The following DGKB variants were observed in gnomAD, a reference collection of about 807,000 sequenced individuals.
DGKB encodes 90 kDa diacylglycerol kinase.
A neutral mutation model predicts 114.3 loss-of-function variants in DGKB; 67 were observed. The observed-to-expected ratio is 0.59, with a 90% CI of 0.48 to 0.72. The LOEUF (loss-of-function observed/expected upper bound fraction) is 0.72, where lower values mean the gene tolerates loss of function less well. Ranked by LOEUF, DGKB falls within the 30% of genes least tolerant of loss-of-function variation. The pLI, the probability that DGKB is intolerant of heterozygous loss-of-function variation, is 0.00. For missense variants in DGKB, 907 were observed against 975.2 expected, an observed-to-expected ratio of 0.93 and a Z score of 0.93; for synonymous variants, 398 against 323.1, an observed-to-expected ratio of 1.23 and a Z score of -2.49.
intron 23 of DGKB, among the ~76,000 whole-genome samples, chr7:14,321,154 G>C (rs888956672): frequency 1.3e-5 from 2 of 152,064 alleles, no homozygotes; most frequent in African/African-American, 2.4e-5. Flanking sequence ...AGCCAGACAT[G>C]ATGGCACATG....
rs556369813 is a variant in DGKB, at chr7:14,948,537, T to C, written c.-188+26159A>G. Among the ~76,000 whole-genome samples, 46 of 151,942 alleles carry C rather than the reference T, an allele frequency of 3.0e-4. No homozygotes were observed. In the South Asian group the frequency reaches 4.6e-3, roughly 15 times the overall value. ...AATCAGAGATCTGTATACTAAAAAA[T>C]AGATCTTCCAGGAATGTGAAGAAGT... is the stretch of plus-strand genomic sequence containing the variant. On this transcript the variant is annotated intron_variant, in intron 1 of 4. Coordinates refer to the DGKB transcript ENST00000437998.
rs114579101 is a variant in DGKB at position 14,534,485 on chromosome 7, C to T, written c.1770+39727G>A. ...TCACTTTAAATGTAAATGAATTAAA[C>T]GGTTTAATCAAAAGACATAGAGTAG... On this transcript the variant is annotated intron_variant, in intron 20 of 25. Transcript: ENST00000402815. Among the ~76,000 whole-genome samples the T allele has an allele frequency of 2.1e-3, 325 of 152,012 alleles. 3 individuals are homozygous for T. The highest frequency in any genetic ancestry group is 0.017 in the Middle Eastern group (5 of 294).
intron 21 of DGKB, among the ~76,000 whole-genome samples, chr7:14,415,862 G>A (rs1825649521): frequency 6.6e-6 from 1 of 152,204 alleles, no homozygotes; most frequent in African/African-American, 2.4e-5. Context: ...TTCCACAATG[G>A]TTGAACTAGT....
intron 17 of DGKB, among the ~76,000 whole-genome samples, chr7:14,585,932 A>C (rs1358125291): frequency 1.3e-5 from 2 of 152,234 alleles, no homozygotes; most frequent in East Asian, 3.9e-4. Context: ...TGCTCCACCC[A>C]CCAGCGGTTC....
Position 14,463,598 on chromosome 7 carries a change from G to A in DGKB, c.1835+14563C>T, listed in dbSNP as rs532415685. ...CCCACTAAGCTATAAACTCTAAGTG[G>A]TTGGAATGGTGTTAAACTCATCTTC... On this transcript the variant is annotated intron_variant, in intron 21 of 25. Transcript: ENST00000402815. 7.2e-5 allele frequency among the ~76,000 whole-genome samples: 11 copies of A among 152,090 alleles called. 1 individual carries two copies. The highest frequency in any genetic ancestry group is 2.0e-4 in the Admixed American group (3 of 15,262).
Position 14,678,807 on chromosome 7 carries a change from C to CA in DGKB, c.1035+3745dup, listed in dbSNP as rs1820327758. On this transcript the variant is annotated intron_variant, in intron 12 of 25. Coordinates refer to ENST00000402815, the MANE Select transcript of DGKB (RefSeq NM_001350709.2). The stretch of plus-strand genomic sequence containing the variant: ...CTAGTCAAGAGGTGCTAAGAGCTTG[C>CA]ACTAGGGCTGCGAATGTGGAGACAA... 2.0e-5 allele frequency among the ~76,000 whole-genome samples: 3 copies of CA among 151,952 alleles called. No individual in the cohort carries two copies. The South Asian group carries it at 6.2e-4, about 31-fold the overall frequency.
At chr7:14,902,799 C>T (rs964306333), upstream of DGKB, 1 of 152,308 alleles carries the variant, frequency 6.6e-6, no homozygotes, top group African/African-American at 2.4e-5. Context: ...CACTGCCACC[C>T]CCTTCCAGAA....
At chr7:14,381,040 G>A (rs1033167845) in intron 21 of DGKB, among the ~76,000 whole-genome samples, 1 of 152,192 alleles carries the variant, frequency 6.6e-6, no homozygotes, top group Non-Finnish European at 1.5e-5. Context: ...TGGAAGGAAG[G>A]CTCCTCACAG....
In DGKB at chr7:14,274,975, T is replaced by TTTGTG. The variant is rs1562807922; in HGVS notation, c.2122+63539_2122+63540insCACAA. 4.8e-3 allele frequency among the ~76,000 whole-genome samples: 640 copies of TTTGTG among 133,868 alleles called. 1 individual carries two copies. The highest frequency in any genetic ancestry group is 8.1e-3 in the Non-Finnish European group (511 of 62,974). 87.8% of individuals were successfully genotyped at this position (133,868 alleles called of 152,430 possible). A position where few individuals can be genotyped will look rare whatever the true frequency, so the allele number is the denominator to read the frequency against. On this transcript the variant is annotated intron_variant, in intron 23 of 25. Transcript: ENST00000402815. ...TGTGTGTGTGTGTGTGTGTGTGTGT[T>TTTGTG]TGTGTGTGCGTGTTATAAATGTGAT...
At chr7:14,172,454 A>G (rs1290445621) in intron 25 of DGKB, among the ~76,000 whole-genome samples, 1 of 152,184 alleles carries the variant, frequency 6.6e-6, no homozygotes, top group East Asian at 1.9e-4. Context: ...AAAGAAAGGA[A>G]AAGATTCCAG....
At chr7:14,784,933 A>G (rs775340578) in intron 2 of DGKB, among the ~76,000 whole-genome samples, 20 of 151,972 alleles carry the variant, frequency 1.3e-4, no homozygotes, top group South Asian at 6.2e-4. Context: ...CAATATGTCT[A>G]GTCTGCCACA....
At chr7:14,827,944 G>A (rs1432600585) in intron 2 of DGKB, among the ~76,000 whole-genome samples, 1 of 152,014 alleles carries the variant, frequency 6.6e-6, no homozygotes, top group African/African-American at 2.4e-5. Flanking sequence ...AAATGTGGGA[G>A]GCTGGAATGT....
intron 13 of DGKB, among the ~76,000 whole-genome samples, chr7:14,663,424 C>G (rs1396370162): frequency 6.6e-6 from 1 of 151,896 alleles, no homozygotes; most frequent in Non-Finnish European, 1.5e-5. Flanking sequence ...TATATCAATT[C>G]TTTTTATATT....
chr7:14,603,032 C>A (rs1803844206), intron 17 of DGKB, among the ~76,000 whole-genome samples: 1 of 152,094 alleles, frequency 6.6e-6, no homozygotes, highest in Non-Finnish European at 1.5e-5. Context: ...TAAAAGGTGA[C>A]TAAAGGCCTA....
intron 17 of DGKB, among the ~76,000 whole-genome samples, chr7:14,604,118 A>G (rs1804045620): frequency 6.6e-6 from 1 of 152,110 alleles, no homozygotes; most frequent in African/African-American, 2.4e-5. Context: ...TTATATCACA[A>G]CATGTTCCAT....
chr7:14,957,534 TATATGA>T (rs1786581216), intron 1 of DGKB, among the ~76,000 whole-genome samples: 1 of 152,040 alleles, frequency 6.6e-6, no homozygotes, highest in Non-Finnish European at 1.5e-5. Context: ...TCAGGAGGAA[TATATGA>T]ATATATTTCC....
chr7:14,703,280 G>A (rs1825539326), intron 6 of DGKB, among the ~76,000 whole-genome samples: 1 of 152,128 alleles, frequency 6.6e-6, no homozygotes, highest in South Asian at 2.1e-4. Context: ...ACCCTTACTG[G>A]AGTAAATGAC....
chr7:14,641,756 T>C (rs1199680828), intron 13 of DGKB, among the ~76,000 whole-genome samples: 2 of 152,084 alleles, frequency 1.3e-5, no homozygotes, highest in Non-Finnish European at 2.9e-5. Context: ...TCACTGAAAA[T>C]TTAACAAACA....
At chr7:14,617,883 A>G (rs1806842563) in intron 15 of DGKB, among the ~76,000 whole-genome samples, 1 of 151,648 alleles carries the variant, frequency 6.6e-6, no homozygotes. Flanking sequence ...ATTGTTCTTA[A>G]AATTATAGAC....
Sources: gnomAD v4.1 joint callset for allele counts (sites outside exome capture counted in the v4.1 genomes callset) on GRCh38, gnomAD v4.1.1 for gene constraint, MANE v1.5 for transcripts, NCBI Gene and HGNC (gene_info 2026-07-23, HGNC 2026-07-21) for gene names.